ITGB4: variants seen among roughly 807,000 people sequenced by gnomAD.
ITGB4 encodes the protein integrin beta-4.
In ITGB4, 159 loss-of-function variants were observed where a neutral mutation model predicts 207.6. The observed-to-expected ratio is 0.77, with a 90% confidence interval of 0.67 to 0.87. ITGB4 has a LOEUF of 0.87. Ranked by LOEUF, ITGB4 falls within the 40% of genes least tolerant of loss-of-function variation. The probability of loss-of-function intolerance (pLI) is 0.00; values close to 1 mark genes in which losing one functional copy is unlikely to be tolerated. For synonymous variants in ITGB4, 1,020 were observed against 1,062.7 expected (o/e 0.96, Z 0.78); for missense variants, 2,278 against 2,546.8 (o/e 0.89, Z 2.27).
rs1388533711 is a variant in ITGB4, at chr17:75,739,023, C to T, written c.2221-649C>T. ...AAACAAGTTTCTTAAATTTAAGTTA[C>T]AGTGGCTCACACTTGTAACCCCAGC... On this transcript the variant is annotated intron_variant, in intron 18 of 39. Transcript: ENST00000200181. This position sits in a 1 kb window ranked among gnomAD's most constrained non-coding sequence, Gnocchi z 5.4. Among the ~76,000 whole-genome samples, 2 of 151,490 alleles carry T rather than the reference C, an allele frequency of 1.3e-5. No individual in the cohort carries two copies. Among genetic ancestry groups the T allele is most frequent in the Non-Finnish European group, 2.9e-5 (2 of 67,934 alleles).
At position 75,750,236 on chromosome 17, in the gene ITGB4, C is replaced by T. The variant is rs893384246; in HGVS notation, c.3442C>T (p.Leu1148=). The T allele has an allele frequency of 6.8e-6, 11 of 1,613,340 alleles. No homozygotes were observed. The highest frequency in any genetic ancestry group is 9.3e-6 in the Non-Finnish European group (11 of 1,179,902). The change falls in exon 28 of 40, where the codon CTG becomes TTG. Residue 1148 remains leucine (L), a synonymous_variant. Coordinates refer to ENST00000200181, the MANE Select transcript of ITGB4 (RefSeq NM_000213.5). The surrounding 1 kb of genome is among the most constrained non-coding windows in gnomAD (Gnocchi z 5.5). ...GTCCAGGAAGATCCATTTCAACTGG[C>T]TGCCCCCTTCTGGCAAGCCAATGGG... The part of the protein sequence containing the change: ...AGSRKIHFNW[L]PPSGKPMGYR...
Position 75,729,147 on chromosome 17 carries a change from AGACTT to A in ITGB4, c.567-116_567-112del, listed in dbSNP as rs2060794393. On this transcript the variant is annotated intron_variant, in intron 6 of 39. Coordinates refer to ENST00000200181, the MANE Select transcript of ITGB4 (RefSeq NM_000213.5). This position sits in a 1 kb window ranked among gnomAD's most constrained non-coding sequence, Gnocchi z 4.4. ...GCACACCAGCCTGGGTGATAAAGCG[AGACTT>A]GGTCTCAAAAAAAAAAAAAAAAATT... 6.7e-6 allele frequency: 6 copies of A among 895,836 alleles called. No individual in the cohort carries two copies. Among genetic ancestry groups the A allele is most frequent in the Non-Finnish European group, 9.8e-6 (6 of 613,294 alleles). The allele number at this position is 895,836 out of a possible 1,614,324, so 55.5% of individuals were successfully genotyped here.
chr17:75,731,115 G>A lies in ITGB4; in HGVS notation c.1093-131G>A. The A allele has an allele frequency of 6.6e-7, 1 of 1,508,472 alleles. No individual in the cohort carries two copies. Among genetic ancestry groups the A allele is most frequent in the South Asian group, 1.2e-5 (1 of 84,886 alleles). 93.4% of individuals were successfully genotyped at this position (1,508,472 alleles called of 1,614,324 possible). ...TCTCTAGCTATCCCTGAGGCCCCGA[G>A]GGGCCACCTGGGCCTGGCCCTGGCT... On this transcript the variant is annotated intron_variant, in intron 9 of 39. Coordinates refer to ENST00000200181, the MANE Select transcript of ITGB4 (RefSeq NM_000213.5). This position sits in a 1 kb window ranked among gnomAD's most constrained non-coding sequence, Gnocchi z 6.8.
intron 8 of ITGB4, 32 bp from the exon 9 acceptor site, chr17:75,730,843 C>T (rs1568348542): frequency 6.5e-6 from 10 of 1,544,818 alleles, no homozygotes; most frequent in Non-Finnish European, 8.9e-6. Flanking sequence ...CATGGAGATG[C>T]TTAGCCTGAG....
In ITGB4 at chr17:75,732,104, G is replaced by T. The variant is rs2060874510; in HGVS notation, c.1378-59G>T. ...CCGAGGCACACAGGAGAGCGGAAGT[G>T]TCCAGTGGCCCCGGTCCTGCTCCCC... On this transcript the variant is annotated intron_variant, in intron 11 of 39. Transcript: ENST00000200181. The surrounding 1 kb of genome is among the most constrained non-coding windows in gnomAD (Gnocchi z 5.3). 12 of 1,608,034 alleles carry T rather than the reference G, an allele frequency of 7.5e-6. No homozygotes were observed. In the Admixed American group the frequency reaches 1.7e-4, roughly 22 times the overall value.
chr17:75,757,198 A>G lies in ITGB4; in HGVS notation c.5219-2A>G. The stretch of plus-strand genomic sequence containing the variant: ...TCTGACTGGCCTATCTGCCCACCCC[A>G]GGACCCTTCCCGCAGCTGGGCAGCC... On this transcript the variant is annotated splice_acceptor_variant, in intron 38 of 39. Coordinates refer to ENST00000200181, the MANE Select transcript of ITGB4 (RefSeq NM_000213.5). LOFTEE classifies it high-confidence loss of function. 4 of 1,611,388 alleles carry G rather than the reference A, an allele frequency of 2.5e-6. No homozygotes were observed. Among genetic ancestry groups the G allele is most frequent in the Non-Finnish European group, 2.5e-6 (3 of 1,179,662 alleles).
chr17:75,724,842 C>A (rs2060686719), intron 2 of ITGB4, 60 bp downstream of exon 2: 1 of 1,408,296 alleles, frequency 7.1e-7, no homozygotes, highest in African/African-American at 1.4e-5. Context: ...GCAGGCATTG[C>A]CCTTGCACGG....
chr17:75,734,437 G>A (rs1467034635), intron 13 of ITGB4, among the ~76,000 whole-genome samples: 1 of 151,978 alleles, frequency 6.6e-6, no homozygotes, highest in Non-Finnish European at 1.5e-5. Context: ...ACAGGTGTGA[G>A]CCACTGAGCC....
At chr17:75,730,034 C>G (rs539294300) in intron 7 of ITGB4, among the ~76,000 whole-genome samples, 1 of 152,230 alleles carries the variant, frequency 6.6e-6, no homozygotes, top group South Asian at 2.1e-4. Context: ...CAGCGCCTTG[C>G]GGGGGCCGCA....
chr17:75,727,424 C>A lies in ITGB4; in HGVS notation c.183C>A (p.Cys61Ter). The A allele has an allele frequency of 6.2e-7, 1 of 1,614,032 alleles. No homozygotes were observed. The highest frequency in any genetic ancestry group is 8.5e-7 in the Non-Finnish European group (1 of 1,180,018). Residue 61 changes from cysteine to a stop codon, truncating the protein, a stop_gained, in exon 4 of 40, where the codon TGC (cysteine) becomes TGA (stop). Coordinates refer to ENST00000200181, the MANE Select transcript of ITGB4 (RefSeq NM_000213.5). LOFTEE classifies it high-confidence loss of function. The surrounding 1 kb of genome is among the most constrained non-coding windows in gnomAD (Gnocchi z 6.0). ...CTDEMFRDRR[C>*]NTQAELLAAG... The stretch of plus-strand genomic sequence containing the variant: ...GCCAGATGTTCAGGGACCGGCGCTG[C>A]AACACCCAGGCGGAGCTGCTGGCCG...
In ITGB4 at chr17:75,740,415, C is replaced by G. The variant is rs1300668670; in HGVS notation, c.2504C>G (p.Pro835Arg). 6.2e-7 allele frequency: 1 copy of G among 1,613,968 alleles called. No individual in the cohort carries two copies. The highest frequency in any genetic ancestry group is 1.3e-5 in the African/African-American group (1 of 75,058). The change falls in exon 21 of 40, where the codon CCT becomes CGT. Residue 835 changes from proline to arginine, a missense_variant. Pro to Arg is a moderately radical substitution (Grantham distance 103, BLOSUM62 -2). Transcript: ENST00000200181. This position sits in a 1 kb window ranked among gnomAD's most constrained non-coding sequence, Gnocchi z 5.9. ...ARLCTENLLK[P>R]DTRECAQLRQ... The stretch of plus-strand genomic sequence containing the variant: ...CTTTGCACCGAGAACCTGCTGAAGC[C>G]TGACACTCGGGAGTGCGCCCAGCTG...
In ITGB4 at chr17:75,740,387, C is replaced by T. The variant is rs781389540; in HGVS notation, c.2476C>T (p.Arg826Cys). ...VPYGLSLRLA[R>C]LCTENLLKPD... ...CTACGGGCTGTCCTTGCGCCTGGCC[C>T]GCCTTTGCACCGAGAACCTGCTGAA... Residue 826 changes from arginine (R) to cysteine (C), a missense_variant, in exon 21 of 40, where the codon CGC (arginine) becomes TGC (cysteine). Transcript: ENST00000200181. The surrounding 1 kb of genome is among the most constrained non-coding windows in gnomAD (Gnocchi z 5.9). 7 of 1,613,778 alleles carry T rather than the reference C, an allele frequency of 4.3e-6. No individual in the cohort carries two copies. The highest frequency in any genetic ancestry group is 2.2e-5 in the East Asian group (1 of 44,872).
chr17:75,736,761 G>A, intron 16 of ITGB4, 67 bp downstream of exon 16: 3 of 1,534,446 alleles, frequency 2.0e-6, no homozygotes, highest in African/African-American at 2.7e-5. Context: ...CGGGGCAAGG[G>A]TGTCATCACC....
chr17:75,730,225 G>A lies in ITGB4; in HGVS notation c.739-16G>A, dbSNP rs199530674. On this transcript the variant is annotated splice_polypyrimidine_tract_variant and intron_variant, in intron 7 of 39. Transcript: ENST00000200181. ...GCAGCCTGCTCAGTGGGCACGCCCC[G>A]CCTTGCCTTCCCCAGAGGGACATTG... 30 of 1,612,218 alleles carry A rather than the reference G, an allele frequency of 1.9e-5. No individual in the cohort carries two copies. In the East Asian group the frequency reaches 2.9e-4, roughly 16 times the overall value.
Position 75,742,269 on chromosome 17 carries a change from C to A in ITGB4, c.2634-72C>A. ...ATCCTGGCCCCTGAAGGGGAGAAGA[C>A]AGGCAGGAGGGACAGGGCAGCAGGT... On this transcript the variant is annotated intron_variant, in intron 23 of 39. Coordinates refer to ENST00000200181, the MANE Select transcript of ITGB4 (RefSeq NM_000213.5). The surrounding 1 kb of genome is among the most constrained non-coding windows in gnomAD (Gnocchi z 5.9). 1 of 1,591,154 alleles carries A rather than the reference C, an allele frequency of 6.3e-7. No individual in the cohort carries two copies. The highest frequency in any genetic ancestry group is 8.6e-7 in the Non-Finnish European group (1 of 1,161,988).
intron 27 of ITGB4, 151 bp downstream of exon 27, chr17:75,749,196 TATGTCCC>T: frequency 1.4e-6 from 1 of 719,612 alleles, no homozygotes; most frequent in African/African-American, 1.8e-5. Flanking sequence ...GTAGGATAAG[TATGTCCC>T]ATGCAATATT....
chr17:75,756,253 T>A (rs2061498497), intron 35 of ITGB4, among the ~76,000 whole-genome samples, 176 bp from the exon 36 acceptor site: 1 of 152,068 alleles, frequency 6.6e-6, no homozygotes, highest in Non-Finnish European at 1.5e-5. Context: ...TCCACTCTTG[T>A]ATAGTACACA....
chr17:75,755,206 G>A (rs1275181103), intron 34 of ITGB4: 2 of 1,603,340 alleles, frequency 1.2e-6, no homozygotes, highest in South Asian at 1.1e-5. Context: ...CGCCCTCCTG[G>A]GGCCCAGGTA....
At chr17:75,749,930 A>G (rs919249207) in intron 27 of ITGB4, among the ~76,000 whole-genome samples, 181 bp from the exon 28 acceptor site, 12 of 152,138 alleles carry the variant, frequency 7.9e-5, no homozygotes, top group African/African-American at 2.9e-4. Flanking sequence ...TCCTCCGCCA[A>G]GCTTGGCAGG....
Sources: gnomAD v4.1 joint callset for allele counts (sites outside exome capture counted in the v4.1 genomes callset) on GRCh38, gnomAD v4.1.1 for gene constraint, Gnocchi (gnomAD v3.1) non-coding constraint, MANE v1.5 for transcripts, NCBI Gene and HGNC (gene_info 2026-07-23, HGNC 2026-07-21) for gene names.